Variants in MCOLN2 observed in about 807,000 individuals in gnomAD.
The protein encoded by MCOLN2 is mucolipin TRP cation channel 2.
MCOLN2 carries 57 observed loss-of-function variants against 67.5 expected under a neutral mutation model. That is an observed-to-expected ratio of 0.84 (90% CI 0.68 to 1.05). The LOEUF (loss-of-function observed/expected upper bound fraction) is 1.05, where lower values mean the gene tolerates loss of function less well. Among genes scored for constraint, MCOLN2 ranks in the 50% least tolerant of loss-of-function variants. The probability of loss-of-function intolerance (pLI) is 0.00; values close to 1 mark genes in which losing one functional copy is unlikely to be tolerated. For synonymous variants in MCOLN2, 246 were observed against 233.3 expected, an observed-to-expected ratio of 1.05 and a Z score of -0.50; for missense variants, 620 against 678.8, an observed-to-expected ratio of 0.91 and a Z score of 0.96.
At chr1:84,975,021 C>T (rs1649924944) in intron 1 of MCOLN2, among the ~76,000 whole-genome samples, 1 of 152,194 alleles carries the variant, frequency 6.6e-6, no homozygotes, top group South Asian at 2.1e-4. Context: ...AGGCACGATA[C>T]AATAGAACAC....
chr1:84,967,182 T>C lies in MCOLN2; in HGVS notation c.78-1474A>G, dbSNP rs1012573625. ...CACCAAAGGAGAGCTTGTCAGAGAC[T>C]GAAGGTCAGGTAGACAGGCACTATG... On this transcript the variant is annotated intron_variant, in intron 1 of 13. Transcript: ENST00000370608. Among the ~76,000 whole-genome samples, 4 of 152,250 alleles carry C rather than the reference T, an allele frequency of 2.6e-5. No individual in the cohort carries two copies. The East Asian group carries it at 7.7e-4, about 29-fold the overall frequency.
intron 2 of MCOLN2, among the ~76,000 whole-genome samples, chr1:84,961,500 G>A (rs1649086130): frequency 6.6e-6 from 1 of 152,058 alleles, no homozygotes; most frequent in African/African-American, 2.4e-5. Context: ...TCTGGCATCA[G>A]GAGCAAGAAA....
At chr1:84,964,254 A>G (rs929485753) in intron 2 of MCOLN2, among the ~76,000 whole-genome samples, 1 of 152,214 alleles carries the variant, frequency 6.6e-6, no homozygotes, top group Non-Finnish European at 1.5e-5. Context: ...CAGAATAAAG[A>G]AGCAACTCTA....
intron 4 of MCOLN2, among the ~76,000 whole-genome samples, chr1:84,955,564 T>C (rs575182664): frequency 6.6e-6 from 1 of 152,278 alleles, no homozygotes; most frequent in South Asian, 2.1e-4. Context: ...CTATAAGGAC[T>C]TGTGGATTTT....
In MCOLN2 at chr1:84,937,806, A is replaced by G; in HGVS notation, c.1284T>C (p.Tyr428=). Residue 428 remains tyrosine (Y), a synonymous_variant, in exon 11 of 14, where the codon TAT becomes TAC. Coordinates refer to ENST00000370608, the MANE Select transcript of MCOLN2 (RefSeq NM_153259.4). ...TCCAGCCACAGAATGTGTAACCCAG[A>G]TAAATCATACCAGCACAAGCACAAA... The part of the protein sequence containing the change: ...LRFCACAGMI[Y]LGYTFCGWIV... The G allele has an allele frequency of 1.9e-6, 3 of 1,614,234 alleles. No individual in the cohort carries two copies. Among genetic ancestry groups the G allele is most frequent in the Non-Finnish European group, 1.7e-6 (2 of 1,180,032 alleles).
intron 7 of MCOLN2, among the ~76,000 whole-genome samples, chr1:84,943,421 A>G (rs1363101285): frequency 6.6e-6 from 1 of 152,138 alleles, no homozygotes; most frequent in East Asian, 1.9e-4. Context: ...ATGGGGAGCA[A>G]TGTTTGAGAA....
intron 8 of MCOLN2, 44 bp from the exon 9 acceptor site, chr1:84,939,746 C>G: frequency 6.2e-7 from 1 of 1,603,456 alleles, no homozygotes; most frequent in South Asian, 1.1e-5. Context: ...AACCACACTG[C>G]CCTCTGGAAG....
intron 7 of MCOLN2, among the ~76,000 whole-genome samples, chr1:84,945,979 C>T (rs1222846830): frequency 2.0e-5 from 3 of 152,178 alleles, no homozygotes; most frequent in African/African-American, 7.2e-5. Flanking sequence ...GAACTCCTGA[C>T]ATCAAGTGAT....
intron 11 of MCOLN2, among the ~76,000 whole-genome samples, chr1:84,936,720 G>A (rs969652839): frequency 2.0e-5 from 3 of 152,124 alleles, no homozygotes; most frequent in African/African-American, 7.2e-5. Flanking sequence ...CAGGTTACTC[G>A]ACATTATTCT....
chr1:84,948,247 GGCATCCCTGCCTCCA>G (rs1263505109), intron 6 of MCOLN2, among the ~76,000 whole-genome samples: 1 of 152,202 alleles, frequency 6.6e-6, no homozygotes, highest in African/African-American at 2.4e-5. Flanking sequence ...CAACAAGTCT[GGCATCCCTGCCTCCA>G]GCAAAACTGT....
In MCOLN2 at chr1:84,937,369, A is replaced by G. The variant is rs111682302; in HGVS notation, c.1335+386T>C. ...GTCTCTGCCCATCTTCATTCTTCTC[A>G]ATTAACTTGGATGAAAAACATAATA... On this transcript the variant is annotated intron_variant, in intron 11 of 13. Transcript: ENST00000370608. The G allele has an allele frequency of 2.1e-4, 34 of 161,076 alleles. 1 individual carries two copies. The highest frequency in any genetic ancestry group is 7.9e-4 in the African/African-American group (33 of 41,846). The allele number at this position is 161,076 out of a possible 1,614,324, so 10.0% of individuals were successfully genotyped here.
chr1:84,929,540 A>C lies in MCOLN2; in HGVS notation c.1664+18T>G. The C allele has an allele frequency of 6.2e-7, 1 of 1,600,770 alleles. No homozygotes were observed. Among genetic ancestry groups the C allele is most frequent in the African/African-American group, 1.3e-5 (1 of 74,720 alleles). ...AACAGCCCATCTCAGGAGCATGGAG[A>C]ATAAACATGATACTGACCTCCTCCG... On this transcript the variant is annotated intron_variant, in intron 13 of 13. Coordinates refer to ENST00000370608, the MANE Select transcript of MCOLN2 (RefSeq NM_153259.4).
At chr1:84,938,104 A>G (rs764558229) in intron 9 of MCOLN2, 22 bp from the exon 10 acceptor site, 20 of 1,556,378 alleles carry the variant, frequency 1.3e-5, no homozygotes, top group Non-Finnish European at 1.5e-5. Context: ...AAAAAAAGAA[A>G]GAGAGAAATG....
intron 1 of MCOLN2, chr1:84,972,053 C>A (rs1275971554): frequency 1.3e-5 from 2 of 152,122 alleles, no homozygotes. Context: ...CAAAAACAAA[C>A]AACAACAAAA....
chr1:84,940,924 A>G lies in MCOLN2; in HGVS notation c.915T>C (p.Leu305=). 3 of 1,613,840 alleles carry G rather than the reference A, an allele frequency of 1.9e-6. No homozygotes were observed. In the South Asian group the frequency reaches 3.3e-5, roughly 18 times the overall value. Residue 305 remains leucine (L), a synonymous_variant, in exon 8 of 14, where the codon CTT becomes CTC. Coordinates refer to ENST00000370608, the MANE Select transcript of MCOLN2 (RefSeq NM_153259.4). ...AFVIVICLAS[L]ILCTRSIVLA... is the part of the protein sequence containing the mutation. ...GAACAATGGATCTTGTACACAGAAT[A>G]AGAGATGCCAAGCAAATCACAATGA...
At chr1:84,955,308 A>G (rs1411877615) in intron 4 of MCOLN2, among the ~76,000 whole-genome samples, 1 of 152,196 alleles carries the variant, frequency 6.6e-6, no homozygotes, top group African/African-American at 2.4e-5. Context: ...GAACAGACTA[A>G]TACAGAGGGG....
rs145109809 is a variant in MCOLN2 at position 84,965,607 on chromosome 1, C to T, written c.179G>A (p.Arg60His). ...MSPCEKYRARRQIPWKLGLQI... is the reference protein window; with the variant it reads ...MSPCEKYRARHQIPWKLGLQI... ...CAAACCCAGTTTCCACGGAATCTGG[C>T]GTCTGGCTCGGTATTTTTCACAAGG... The change falls in exon 2 of 14, where the codon CGC becomes CAC. Residue 60 changes from arginine to histidine, a missense_variant. Coordinates refer to ENST00000370608, the MANE Select transcript of MCOLN2 (RefSeq NM_153259.4). 28 of 1,613,930 alleles carry T rather than the reference C, an allele frequency of 1.7e-5. No individual in the cohort carries two copies. Among genetic ancestry groups the T allele is most frequent in the African/African-American group, 4.0e-5 (3 of 74,918 alleles).
At chr1:84,952,625 G>C in intron 4 of MCOLN2, 95 bp from the exon 5 acceptor site, 5 of 771,908 alleles carry the variant, frequency 6.5e-6, no homozygotes, top group Non-Finnish European at 2.3e-6. Context: ...GGTTACTTAC[G>C]GAGTTTCAAA....
At chr1:84,991,881 G>A (rs965156306) in intron 1 of MCOLN2, among the ~76,000 whole-genome samples, 3 of 152,180 alleles carry the variant, frequency 2.0e-5, no homozygotes, top group Admixed American at 2.0e-4. Flanking sequence ...AGCAATAAAG[G>A]ATTCCACATG....
Sources: gnomAD v4.1 joint callset for allele counts (sites outside exome capture counted in the v4.1 genomes callset) on GRCh38, gnomAD v4.1.1 for gene constraint, MANE v1.5 for transcripts, NCBI Gene and HGNC (gene_info 2026-07-23, HGNC 2026-07-21) for gene names.